The following HS3ST5 variants were observed in gnomAD, a reference collection of about 807,000 sequenced individuals.
The protein encoded by HS3ST5 is heparan sulfate-glucosamine 3-sulfotransferase 5.
A neutral mutation model predicts 25.4 loss-of-function variants in HS3ST5; 10 were observed. The observed-to-expected ratio is 0.39, with a 90% CI of 0.24 to 0.67. The LOEUF is 0.67. Ranked by LOEUF, HS3ST5 falls within the 30% of genes least tolerant of loss-of-function variation. HS3ST5 has a pLI of 0.44. For missense variants in HS3ST5, 324 were observed against 420.7 expected (o/e 0.77, Z 2.01); for synonymous variants, 170 against 162.4 (o/e 1.05, Z -0.36).
intron 3 of HS3ST5, among the ~76,000 whole-genome samples, chr6:114,165,267 T>A (rs961037827): frequency 6.6e-6 from 1 of 152,146 alleles, no homozygotes. Context: ...TGATCTAACA[T>A]GTAAGGGTAA....
chr6:114,106,061 G>A (rs7762446), intron 3 of HS3ST5, among the ~76,000 whole-genome samples: 37,203 of 151,996 alleles, frequency 0.24, 4,642 homozygotes, highest in African/African-American at 0.27. Context: ...TTACTTTGGG[G>A]TATTTAGGGT....
chr6:114,062,522 G>A (rs555763070), intron 4 of HS3ST5, among the ~76,000 whole-genome samples: 3 of 152,214 alleles, frequency 2.0e-5, no homozygotes, highest in East Asian at 3.9e-4. Flanking sequence ...CAATGCACAC[G>A]GAATACAAAT....
chr6:114,243,944 G>A (rs991635355), intron 1 of HS3ST5, among the ~76,000 whole-genome samples: 3 of 152,176 alleles, frequency 2.0e-5, no homozygotes, highest in African/African-American at 7.2e-5. Context: ...TTAGAATAGT[G>A]AGAATGCGAT....
chr6:114,163,324 TACTA>T (rs1340916734), intron 3 of HS3ST5, among the ~76,000 whole-genome samples: 4 of 152,164 alleles, frequency 2.6e-5, no homozygotes, highest in Non-Finnish European at 5.9e-5. Flanking sequence ...GTCGGGCTAA[TACTA>T]ACTATCTGAA....
In HS3ST5 at chr6:114,062,597, C is replaced by G. The variant is rs2114707064; in HGVS notation, c.107+142G>C. Reference sequence around the variant, plus strand: ...TCTCTCTTTTAAAGGCTCAGTAAATCAAAATCAATACTGCAGAAAAGCATG... The same window carrying G: ...TCTCTCTTTTAAAGGCTCAGTAAATGAAAATCAATACTGCAGAAAAGCATG... On this transcript the variant is annotated intron_variant, in intron 4 of 4. Transcript: ENST00000312719. 4.9e-6 allele frequency: 3 copies of G among 616,328 alleles called. No homozygotes were observed. In the East Asian group the frequency reaches 8.2e-5, roughly 17 times the overall value. The allele number at this position is 616,328 out of a possible 1,614,324, so 38.2% of individuals were successfully genotyped here. A position where few individuals can be genotyped will look rare whatever the true frequency, so the allele number is the denominator to read the frequency against.
At chr6:114,172,765 T>C (rs775372745) in intron 2 of HS3ST5, among the ~76,000 whole-genome samples, 1 of 152,230 alleles carries the variant, frequency 6.6e-6, no homozygotes, top group Non-Finnish European at 1.5e-5. Flanking sequence ...ATAAGGGAAT[T>C]GTTGCTTCAC....
chr6:114,282,561 T>TC (rs1465143732), intron 1 of HS3ST5, among the ~76,000 whole-genome samples: 18 of 152,064 alleles, frequency 1.2e-4, no homozygotes, highest in Admixed American at 9.8e-4. Flanking sequence ...TGACTTTTCC[T>TC]CCCCCTGGAA....
chr6:114,062,923 T>C, intron 3 of HS3ST5, 46 bp from the exon 4 acceptor site: 1 of 1,140,090 alleles, frequency 8.8e-7, no homozygotes, highest in Non-Finnish European at 1.3e-6. Flanking sequence ...GAGGCTCTGT[T>C]GGTTGTCACA....
At chr6:114,254,442 T>A (rs994187614) in intron 1 of HS3ST5, among the ~76,000 whole-genome samples, 1 of 152,184 alleles carries the variant, frequency 6.6e-6, no homozygotes, top group East Asian at 1.9e-4. Context: ...AAAAGGCTAT[T>A]GCAAGTCAAG....
At chr6:114,177,438 C>G (rs1029167) in intron 2 of HS3ST5, among the ~76,000 whole-genome samples, 34,774 of 152,070 alleles carry the variant, frequency 0.23, 4,040 homozygotes, top group East Asian at 0.25. Flanking sequence ...AATGGATCAA[C>G]CACCCTGCTT....
chr6:114,283,294 A>G (rs1462763380), intron 1 of HS3ST5, among the ~76,000 whole-genome samples: 3 of 151,856 alleles, frequency 2.0e-5, no homozygotes. Flanking sequence ...TTATAACCAA[A>G]ATCACCATCA....
chr6:114,143,447 A>G (rs531226643), intron 3 of HS3ST5, among the ~76,000 whole-genome samples: 1 of 152,322 alleles, frequency 6.6e-6, no homozygotes, highest in East Asian at 1.9e-4. Context: ...GTGCATGTCC[A>G]TTGCAGAATA....
chr6:114,254,762 A>G (rs754851276), intron 1 of HS3ST5, among the ~76,000 whole-genome samples: 5 of 152,204 alleles, frequency 3.3e-5, no homozygotes, highest in Non-Finnish European at 7.3e-5. Flanking sequence ...TAAAACCATC[A>G]GATCTCATGA....
At chr6:114,316,182 C>T (rs1340271738) in intron 1 of HS3ST5, among the ~76,000 whole-genome samples, 1 of 152,148 alleles carries the variant, frequency 6.6e-6, no homozygotes, top group South Asian at 2.1e-4. Context: ...GAGCAAGGAT[C>T]CTCCATAATG....
At chr6:114,304,617 T>C (rs1775214898) in intron 1 of HS3ST5, among the ~76,000 whole-genome samples, 1 of 152,124 alleles carries the variant, frequency 6.6e-6, no homozygotes, top group African/African-American at 2.4e-5. Flanking sequence ...GTAGGTTTTA[T>C]TTATTACTAT....
chr6:114,229,875 T>C (rs868424135), intron 1 of HS3ST5, among the ~76,000 whole-genome samples: 7 of 152,326 alleles, frequency 4.6e-5, no homozygotes, highest in Middle Eastern at 3.4e-3. Flanking sequence ...ATATAGGGCC[T>C]GTGAAGGATG....
rs565935900 is a variant in HS3ST5, at chr6:114,217,527, A to G, written c.-145+11058T>C. Among the ~76,000 whole-genome samples the G allele has an allele frequency of 2.6e-5, 4 of 152,338 alleles. No homozygotes were observed. In the East Asian group the frequency reaches 7.7e-4, roughly 29 times the overall value. On this transcript the variant is annotated intron_variant, in intron 2 of 4. Transcript: ENST00000312719. The stretch of plus-strand genomic sequence containing the variant: ...GCAGCAATCGGAGTTCAAAGTGTTC[A>G]TGGCAAGATTTCCGTTTTGGAACAA...
chr6:114,213,697 G>C (rs1270546872), intron 2 of HS3ST5, among the ~76,000 whole-genome samples: 1 of 152,032 alleles, frequency 6.6e-6, no homozygotes, highest in Non-Finnish European at 1.5e-5. Context: ...TAGTCTCCTA[G>C]AGGACAAGGT....
intron 3 of HS3ST5, among the ~76,000 whole-genome samples, chr6:114,111,120 A>G (rs1243009460): frequency 6.6e-6 from 1 of 152,130 alleles, no homozygotes. Context: ...CTTTGGAAAA[A>G]AGTATATGCA....
Sources: allele counts gnomAD v4.1 joint callset (sites outside exome capture counted in the v4.1 genomes callset), GRCh38; gene constraint gnomAD v4.1.1; transcripts MANE v1.5; gene names NCBI Gene and HGNC (gene_info 2026-07-23, HGNC 2026-07-21).